KIAA1958: variants seen among roughly 807,000 people sequenced by gnomAD.
KIAA1958 encodes uncharacterized protein KIAA1958.
In KIAA1958, 14 loss-of-function variants were observed where a neutral mutation model predicts 47.2. The observed-to-expected ratio is 0.30, with a 90% CI of 0.20 to 0.46. The LOEUF (loss-of-function observed/expected upper bound fraction) is 0.46, where lower values mean the gene tolerates loss of function less well. Among genes scored for constraint, KIAA1958 ranks in the 20% least tolerant of loss-of-function variants. KIAA1958 has a pLI of 1.00. For synonymous variants in KIAA1958, 354 were observed against 353.3 expected, an observed-to-expected ratio of 1.00 and a Z score of -0.02; for missense variants, 803 against 909.2, an observed-to-expected ratio of 0.88 and a Z score of 1.50.
chr9:112,562,107 G>A (rs1305596382), intron 1 of KIAA1958, among the ~76,000 whole-genome samples: 1 of 152,168 alleles, frequency 6.6e-6, no homozygotes, highest in Admixed American at 6.5e-5. Flanking sequence ...TATGTTCGCT[G>A]TCTGGGCCTC....
At chr9:112,596,317 G>A (rs1203808281) in intron 2 of KIAA1958, among the ~76,000 whole-genome samples, 1 of 151,956 alleles carries the variant, frequency 6.6e-6, no homozygotes, top group Non-Finnish European at 1.5e-5. Flanking sequence ...TTAAAAAATA[G>A]TACCTAAAAT....
intron 2 of KIAA1958, among the ~76,000 whole-genome samples, chr9:112,631,520 G>A (rs1268801176): frequency 2.9e-5 from 3 of 103,690 alleles, no homozygotes; most frequent in Non-Finnish European, 5.3e-5. Flanking sequence ...AATAGAGCAA[G>A]AGCCTCTCTC....
chr9:112,571,842 AAAAG>A (rs1274883294), intron 1 of KIAA1958, among the ~76,000 whole-genome samples: 2 of 146,408 alleles, frequency 1.4e-5, no homozygotes, highest in Admixed American at 6.7e-5. Context: ...ATAAAAAATA[AAAAG>A]AAATAAAATA....
At chr9:112,609,831 C>T (rs1453064549) in intron 2 of KIAA1958, among the ~76,000 whole-genome samples, 2 of 152,196 alleles carry the variant, frequency 1.3e-5, no homozygotes, top group East Asian at 3.9e-4. Context: ...GGATTACAAG[C>T]TTGAACCTCC....
At chr9:112,507,855 C>CT (rs1273750667) in intron 1 of KIAA1958, among the ~76,000 whole-genome samples, 1 of 151,258 alleles carries the variant, frequency 6.6e-6, no homozygotes, top group East Asian at 1.9e-4. Context: ...CTGGTCTTGA[C>CT]TTCCTGGGCT....
intron 1 of KIAA1958, among the ~76,000 whole-genome samples, chr9:112,550,526 A>T (rs1403821100): frequency 6.6e-6 from 1 of 152,236 alleles, no homozygotes; most frequent in African/African-American, 2.4e-5. Flanking sequence ...AAGGACTCAC[A>T]GAACTCAGAA....
intron 1 of KIAA1958, among the ~76,000 whole-genome samples, chr9:112,546,447 C>T (rs1588011905): frequency 6.6e-6 from 1 of 152,142 alleles, no homozygotes; most frequent in Middle Eastern, 3.4e-3. Context: ...ATCACAGCTG[C>T]TCTTCCTATG....
chr9:112,633,866 C>T (rs550252450), intron 2 of KIAA1958, among the ~76,000 whole-genome samples: 102 of 152,124 alleles, frequency 6.7e-4, no homozygotes, highest in African/African-American at 2.4e-3. Flanking sequence ...ATATGCATAC[C>T]ATTGTTTATG....
intron 3 of KIAA1958, among the ~76,000 whole-genome samples, chr9:112,654,002 G>A (rs1837106931): frequency 6.6e-6 from 1 of 152,166 alleles, no homozygotes; most frequent in African/African-American, 2.4e-5. Context: ...GTTAAAATAA[G>A]TCACGTGGCT....
chr9:112,665,982 A>G lies in KIAA1958; in HGVS notation c.*5913A>G, dbSNP rs1294600034. The G allele has an allele frequency of 6.6e-6, 1 of 150,604 alleles. No homozygotes were observed. The highest frequency in any genetic ancestry group is 1.5e-5 in the Non-Finnish European group (1 of 67,966). 9.3% of individuals were successfully genotyped at this position (150,604 alleles called of 1,614,324 possible). ...GTAGGCTATAGCACTGTCATAGAAA[A>G]ATATACCTTTTTTTTTTTTTGAGAC... On this transcript the variant is annotated 3_prime_UTR_variant, in exon 4 of 4. Coordinates refer to ENST00000337530, the MANE Select transcript of KIAA1958 (RefSeq NM_133465.4).
At chr9:112,609,017 G>A (rs1228861580) in intron 2 of KIAA1958, among the ~76,000 whole-genome samples, 2 of 152,190 alleles carry the variant, frequency 1.3e-5, no homozygotes, top group African/African-American at 2.4e-5. Context: ...TCTCTTTTCA[G>A]CCTCTGGCTG....
At chr9:112,543,449 C>A (rs1834976603) in intron 1 of KIAA1958, among the ~76,000 whole-genome samples, 1 of 151,988 alleles carries the variant, frequency 6.6e-6, no homozygotes, top group African/African-American at 2.4e-5. Context: ...CTTGCTGACA[C>A]CTTGGTTATA....
At chr9:112,529,431 A>G (rs563685321) in intron 1 of KIAA1958, among the ~76,000 whole-genome samples, 5 of 152,150 alleles carry the variant, frequency 3.3e-5, no homozygotes, top group Non-Finnish European at 7.4e-5. Flanking sequence ...CCCATCCACA[A>G]TACCACGTTA....
At chr9:112,513,458 C>T (rs1442273721) in intron 1 of KIAA1958, among the ~76,000 whole-genome samples, 2 of 132,348 alleles carry the variant, frequency 1.5e-5, no homozygotes, top group Non-Finnish European at 3.2e-5. Flanking sequence ...CTTGAAGGGT[C>T]GAAGGCGCCG....
intron 2 of KIAA1958, among the ~76,000 whole-genome samples, chr9:112,591,843 C>T (rs1422231794): frequency 6.6e-6 from 1 of 152,150 alleles, no homozygotes; most frequent in Non-Finnish European, 1.5e-5. Flanking sequence ...AGGAATAGCA[C>T]TCGAATATAA....
intron 1 of KIAA1958, among the ~76,000 whole-genome samples, chr9:112,553,964 A>G (rs774894225): frequency 1.3e-5 from 2 of 152,150 alleles, no homozygotes; most frequent in Non-Finnish European, 2.9e-5. Context: ...CACCTCTAAA[A>G]CTAGCAAAGA....
Position 112,665,043 on chromosome 9 carries a change from T to C in KIAA1958, c.*4974T>C, listed in dbSNP as rs555210348. On this transcript the variant is annotated 3_prime_UTR_variant, in exon 4 of 4. Coordinates refer to ENST00000337530, the MANE Select transcript of KIAA1958 (RefSeq NM_133465.4). Reference sequence around the variant, plus strand: ...GCGCTCAATTAAAGTGCTTATTATTTAGCTAAAACAACTTATATGGAAGTT... The same window carrying C: ...GCGCTCAATTAAAGTGCTTATTATTCAGCTAAAACAACTTATATGGAAGTT... 1 of 152,298 alleles carries C rather than the reference T, an allele frequency of 6.6e-6. No individual in the cohort carries two copies. The highest frequency in any genetic ancestry group is 2.1e-4 in the South Asian group (1 of 4,824). 9.4% of individuals were successfully genotyped at this position (152,298 alleles called of 1,614,324 possible).
rs75465135 is a variant in KIAA1958, at chr9:112,653,386, T to G, written c.1345-5877T>G. On this transcript the variant is annotated intron_variant, in intron 3 of 3. Coordinates refer to ENST00000337530, the MANE Select transcript of KIAA1958 (RefSeq NM_133465.4). ...CTCCATAACAAACCACTCAAAAATA[T>G]AGGGACCTAAAGCAACAGCCATTTT... Among the ~76,000 whole-genome samples, 667 of 152,246 alleles carry G rather than the reference T, an allele frequency of 4.4e-3. 29 individuals carry two copies. The East Asian group carries it at 0.11, about 26-fold the overall frequency.
At chr9:112,555,776 A>T (rs1427842950) in intron 1 of KIAA1958, among the ~76,000 whole-genome samples, 2 of 152,162 alleles carry the variant, frequency 1.3e-5, no homozygotes, top group African/African-American at 4.8e-5. Flanking sequence ...ATCACTTTTT[A>T]AAAGCCTTCA....
Sources: gnomAD v4.1 joint callset for allele counts (sites outside exome capture counted in the v4.1 genomes callset) on GRCh38, gnomAD v4.1.1 for gene constraint, MANE v1.5 for transcripts, NCBI Gene and HGNC (gene_info 2026-07-23, HGNC 2026-07-21) for gene names.